Variants in VAV2 observed in about 807,000 individuals in gnomAD.
VAV2 encodes guanine nucleotide exchange factor VAV2.
VAV2 carries 67 observed loss-of-function variants against 132.5 expected under a neutral mutation model. That is an observed-to-expected ratio of 0.51 (90% CI 0.42 to 0.62). The LOEUF (loss-of-function observed/expected upper bound fraction) is 0.62, where lower values mean the gene tolerates loss of function less well. VAV2 is among the 20% of genes least tolerant of loss of function. The pLI, the probability that VAV2 is intolerant of heterozygous loss-of-function variation, is 0.00. For synonymous variants in VAV2, 492 were observed against 443.5 expected (o/e 1.11, Z -1.37); for missense variants, 938 against 1,153.6 (o/e 0.81, Z 2.71).
At chr9:133,774,341 T>G (rs1385694139) in intron 25 of VAV2, among the ~76,000 whole-genome samples, 2 of 152,154 alleles carry the variant, frequency 1.3e-5, no homozygotes, top group Admixed American at 1.3e-4. Context: ...ACAGAAGGCT[T>G]TCTGAGAATT....
intron 3 of VAV2, among the ~76,000 whole-genome samples, chr9:133,848,848 G>A (rs937226044): frequency 2.0e-5 from 3 of 152,202 alleles, no homozygotes; most frequent in African/African-American, 7.2e-5. Context: ...CCCGTGTTTG[G>A]GTTTGTTTCC....
chr9:133,851,973 AT>A (rs2131840917), intron 3 of VAV2, among the ~76,000 whole-genome samples: 1 of 151,338 alleles, frequency 6.6e-6, no homozygotes, highest in African/African-American at 2.4e-5. Context: ...GGATGGAAGG[AT>A]GGATGAATGG....
At chr9:133,990,417 C>G (rs906926952) in intron 1 of VAV2, among the ~76,000 whole-genome samples, 1 of 152,142 alleles carries the variant, frequency 6.6e-6, no homozygotes, top group Non-Finnish European at 1.5e-5. Flanking sequence ...GCCACAGCCA[C>G]GGCCCCCTCC....
chr9:133,932,553 T>C (rs982667189), intron 2 of VAV2, among the ~76,000 whole-genome samples: 6 of 152,214 alleles, frequency 3.9e-5, no homozygotes, highest in African/African-American at 1.4e-4. Flanking sequence ...AAGAAAATGC[T>C]AATAAAAATG....
In VAV2 at chr9:133,898,426, T is replaced by TAA. The variant is rs145274619; in HGVS notation, c.322-36996_322-36995dup. ...CAACATGGCAAAACCTTGTCTCTAC[T>TAA]AAAAAAAAAATACAAAAATCAGCCA... On this transcript the variant is annotated intron_variant, in intron 2 of 29. Coordinates refer to ENST00000371850, the MANE Select transcript of VAV2 (RefSeq NM_001134398.2). 2.3e-3 allele frequency among the ~76,000 whole-genome samples: 331 copies of TAA among 144,080 alleles called. 2 individuals are homozygous for TAA. Among genetic ancestry groups the TAA allele is most frequent in the African/African-American group, 3.6e-3 (141 of 39,444 alleles). 94.5% of individuals were successfully genotyped at this position (144,080 alleles called of 152,430 possible).
intron 3 of VAV2, among the ~76,000 whole-genome samples, chr9:133,853,495 C>T (rs1451719182): frequency 6.6e-6 from 1 of 152,136 alleles, no homozygotes; most frequent in Non-Finnish European, 1.5e-5. Flanking sequence ...GAGTCCCACC[C>T]ACCAGTGGCA....
chr9:133,930,281 C>A (rs1564474025), intron 2 of VAV2, among the ~76,000 whole-genome samples: 1 of 151,178 alleles, frequency 6.6e-6, no homozygotes, highest in Non-Finnish European at 1.5e-5. Context: ...CTCCCTGCCT[C>A]CACCCTGCCT....
intron 4 of VAV2, among the ~76,000 whole-genome samples, chr9:133,814,777 C>T (rs1262490237): frequency 6.6e-6 from 1 of 152,140 alleles, no homozygotes; most frequent in African/African-American, 2.4e-5. Flanking sequence ...ACAGGTCGAC[C>T]AGAACCGGTT....
intron 2 of VAV2, among the ~76,000 whole-genome samples, chr9:133,934,967 G>A (rs1840851843): frequency 1.3e-5 from 2 of 152,198 alleles, no homozygotes; most frequent in South Asian, 2.1e-4. Context: ...GAGTAAGAGA[G>A]TCAGCTCTGC....
intron 3 of VAV2, among the ~76,000 whole-genome samples, chr9:133,835,701 A>C (rs1413279647): frequency 6.6e-6 from 1 of 152,170 alleles, no homozygotes; most frequent in East Asian, 1.9e-4. Context: ...CCCGAGATCC[A>C]GCAGGGACGC....
chr9:133,985,226 TTGTGTGTGTGTG>T (rs59748267), intron 1 of VAV2, among the ~76,000 whole-genome samples: 3,881 of 137,230 alleles, frequency 0.028, 97 homozygotes, highest in African/African-American at 0.068. Flanking sequence ...TCTTGCCTTA[TTGTGTGTGTGTG>T]TGTGTGTGTG....
In VAV2 at chr9:133,840,234, C is replaced by T. The variant is rs190077933; in HGVS notation, c.381-5894G>A. ...TCCTGAGCATGCATTTCCTCGTGCC[C>T]GGCTTCGGGAAGCAGAGTTTCCCAC... On this transcript the variant is annotated intron_variant, in intron 3 of 29. Transcript: ENST00000371850. The surrounding 1 kb of genome is among the most constrained non-coding windows in gnomAD (Gnocchi z 4.5). Among the ~76,000 whole-genome samples, 411 of 152,314 alleles carry T rather than the reference C, an allele frequency of 2.7e-3. 4 individuals carry two copies. Among genetic ancestry groups the T allele is most frequent in the African/African-American group, 9.5e-3 (395 of 41,546 alleles).
chr9:133,946,465 C>T (rs1418733724), intron 1 of VAV2, among the ~76,000 whole-genome samples: 2 of 152,244 alleles, frequency 1.3e-5, no homozygotes, highest in Non-Finnish European at 2.9e-5. Flanking sequence ...TCTGAGCAAG[C>T]TGGGGGTCTC....
At chr9:133,793,601 C>T (rs892952018) in intron 12 of VAV2, among the ~76,000 whole-genome samples, 16 of 152,178 alleles carry the variant, frequency 1.1e-4, no homozygotes, top group African/African-American at 3.6e-4. Context: ...CTGTGACCAC[C>T]GCGGCCCCTG....
At chr9:133,958,658 T>G (rs550585256) in intron 1 of VAV2, among the ~76,000 whole-genome samples, 11 of 151,832 alleles carry the variant, frequency 7.2e-5, no homozygotes, top group Admixed American at 2.0e-4. Context: ...CTATACTTTG[T>G]ATCTGTGTCT....
chr9:133,771,796 T>C (rs1310631261), intron 26 of VAV2, among the ~76,000 whole-genome samples, 163 bp downstream of exon 26: 1 of 152,198 alleles, frequency 6.6e-6, no homozygotes, highest in Non-Finnish European at 1.5e-5. Flanking sequence ...GGCTGGGACA[T>C]AGCTCTAGCT....
chr9:133,780,002 A>G (rs1171898906), intron 20 of VAV2, 63 bp from the exon 21 acceptor site: 8 of 1,603,698 alleles, frequency 5.0e-6, no homozygotes, highest in South Asian at 1.1e-5. Context: ...TGGCCCATGC[A>G]TCAACGCACC....
At chr9:133,779,029 A>C in intron 21 of VAV2, 140 bp from the exon 22 acceptor site, 1 of 1,069,542 alleles carries the variant, frequency 9.3e-7, no homozygotes, top group Non-Finnish European at 1.3e-6. Context: ...CCCTTCCCTA[A>C]ATCCTTCCCA....
At chr9:133,889,735 G>T (rs2810529) in intron 2 of VAV2, among the ~76,000 whole-genome samples, 140,988 of 152,204 alleles carry the variant, frequency 0.93, 66,200 homozygotes, top group East Asian at 1. Flanking sequence ...TGTTTGTTCA[G>T]AAGACATTTC....
Sources: allele counts gnomAD v4.1 joint callset (sites outside exome capture counted in the v4.1 genomes callset), GRCh38; gene constraint gnomAD v4.1.1; non-coding constraint Gnocchi (gnomAD v3.1); transcripts MANE v1.5; gene names NCBI Gene and HGNC (gene_info 2026-07-23, HGNC 2026-07-21).